The following DSCAML1 variants were observed in gnomAD, a reference collection of about 807,000 sequenced individuals.
DSCAML1 encodes the protein DS cell adhesion molecule like 1.
In DSCAML1, 38 loss-of-function variants were observed where a neutral mutation model predicts 200.5. The observed-to-expected ratio is 0.19, with a 90% CI of 0.15 to 0.25. The LOEUF (loss-of-function observed/expected upper bound fraction) is 0.25, where lower values mean the gene tolerates loss of function less well. Ranked by LOEUF, DSCAML1 falls within the 10% of genes least tolerant of loss-of-function variation. The pLI is 1.00. For missense variants in DSCAML1, 2,223 were observed against 2,858.8 expected, an observed-to-expected ratio of 0.78 and a Z score of 5.07; for synonymous variants, 1,215 against 1,165.0, an observed-to-expected ratio of 1.04 and a Z score of -0.87.
chr11:117,566,292 C>T (rs2050753882), intron 3 of DSCAML1, among the ~76,000 whole-genome samples: 1 of 151,954 alleles, frequency 6.6e-6, no homozygotes, highest in Admixed American at 6.6e-5. Context: ...GATTTCAAAC[C>T]CTACATCCTT....
At chr11:117,793,711 A>C (rs1187754871) in intron 1 of DSCAML1, among the ~76,000 whole-genome samples, 1 of 152,050 alleles carries the variant, frequency 6.6e-6, no homozygotes, top group Non-Finnish European at 1.5e-5. Context: ...TCCTAAGAAA[A>C]CTAAGCCTCT....
chr11:117,433,534 G>A, intron 27 of DSCAML1, 63 bp from the exon 28 acceptor site: 1 of 1,560,922 alleles, frequency 6.4e-7, no homozygotes, highest in South Asian at 1.2e-5. Flanking sequence ...GATGACAATG[G>A]GAGAGGCATG....
At chr11:117,470,371 C>G (rs935257054) in intron 15 of DSCAML1, among the ~76,000 whole-genome samples, 3 of 151,646 alleles carry the variant, frequency 2.0e-5, no homozygotes, top group Non-Finnish European at 2.9e-5. Flanking sequence ...GTCAGGAGAT[C>G]GAGACCATCC....
chr11:117,691,909 G>A (rs2053501628), intron 3 of DSCAML1, among the ~76,000 whole-genome samples: 1 of 152,074 alleles, frequency 6.6e-6, no homozygotes, highest in Non-Finnish European at 1.5e-5. Flanking sequence ...ACTGCAGGAG[G>A]GCACTGTCCT....
At chr11:117,798,348 G>A (rs1158991898), upstream of DSCAML1, among the ~76,000 whole-genome samples, 1 of 152,178 alleles carries the variant, frequency 6.6e-6, no homozygotes, top group Non-Finnish European at 1.5e-5. Context: ...CGAAATGTGC[G>A]GCCTAAGTTC....
chr11:117,581,206 TAA>T (rs898006695), intron 3 of DSCAML1, among the ~76,000 whole-genome samples: 4 of 152,176 alleles, frequency 2.6e-5, no homozygotes, highest in Admixed American at 1.3e-4. Context: ...GATAATAATA[TAA>T]GTTACCATGG....
At chr11:117,802,158 A>G (rs1032281323), upstream of DSCAML1, 1 of 152,232 alleles carries the variant, frequency 6.6e-6, no homozygotes, top group African/African-American at 2.4e-5. Context: ...AAATTTTATG[A>G]AAGTGTCTTC....
At chr11:117,625,520 C>T in intron 3 of DSCAML1, among the ~76,000 whole-genome samples, 1 of 152,202 alleles carries the variant, frequency 6.6e-6, no homozygotes, top group East Asian at 1.9e-4. Flanking sequence ...AAGGAGGAAA[C>T]TGGGTCCCAG....
At chr11:117,632,012 T>C (rs1230808296) in intron 3 of DSCAML1, among the ~76,000 whole-genome samples, 1 of 152,156 alleles carries the variant, frequency 6.6e-6, no homozygotes, top group African/African-American at 2.4e-5. Context: ...GAAGGACACG[T>C]ACAGCTCACC....
chr11:117,576,081 T>C (rs1158955448), intron 3 of DSCAML1, among the ~76,000 whole-genome samples: 1 of 152,130 alleles, frequency 6.6e-6, no homozygotes, highest in Non-Finnish European at 1.5e-5. Context: ...GCTCCTGCCC[T>C]ATATCTGCAG....
chr11:117,622,863 TA>T (rs762632577), intron 3 of DSCAML1, among the ~76,000 whole-genome samples: 101 of 152,290 alleles, frequency 6.6e-4, no homozygotes, highest in Non-Finnish European at 1.1e-3. Flanking sequence ...ATTCAATAAG[TA>T]ATACAGATTA....
chr11:117,596,248 G>A (rs1219680486), intron 3 of DSCAML1, among the ~76,000 whole-genome samples: 3 of 152,184 alleles, frequency 2.0e-5, no homozygotes, highest in South Asian at 2.1e-4. Context: ...GGCACTGGAT[G>A]GTGGAGAATT....
intron 19 of DSCAML1, among the ~76,000 whole-genome samples, chr11:117,453,123 C>G (rs375405311): frequency 1.3e-5 from 2 of 151,984 alleles, no homozygotes; most frequent in Non-Finnish European, 2.9e-5. Context: ...TTAGTAGAGA[C>G]GGGGTTTCAC....
At chr11:117,606,726 G>A (rs751074476) in intron 3 of DSCAML1, among the ~76,000 whole-genome samples, 6 of 152,208 alleles carry the variant, frequency 3.9e-5, no homozygotes, top group Non-Finnish European at 5.9e-5. Flanking sequence ...GGAGATTTCA[G>A]GGATCCCAAT....
chr11:117,570,849 C>T (rs1292325331), intron 3 of DSCAML1, among the ~76,000 whole-genome samples: 3 of 152,212 alleles, frequency 2.0e-5, no homozygotes, highest in Non-Finnish European at 2.9e-5. Context: ...ACACTGGCCA[C>T]GGCAGCTGGA....
At chr11:117,759,008 C>G (rs1171502916) in intron 3 of DSCAML1, among the ~76,000 whole-genome samples, 2 of 152,180 alleles carry the variant, frequency 1.3e-5, no homozygotes, top group African/African-American at 4.8e-5. Flanking sequence ...AACACACACG[C>G]TGATATGCAC....
At chr11:117,646,207 T>A (rs75441066) in intron 3 of DSCAML1, among the ~76,000 whole-genome samples, 2 of 152,202 alleles carry the variant, frequency 1.3e-5, no homozygotes, top group African/African-American at 4.8e-5. Flanking sequence ...TTTTTTTTTT[T>A]ATTGCAAAAA....
chr11:117,766,856 T>A (rs1028235950), intron 3 of DSCAML1, among the ~76,000 whole-genome samples: 5 of 152,088 alleles, frequency 3.3e-5, no homozygotes, highest in Admixed American at 6.6e-5. Flanking sequence ...GGCGTGCAAG[T>A]GCAGAGCAGC....
At chr11:117,703,056 C>T (rs191115391) in intron 3 of DSCAML1, among the ~76,000 whole-genome samples, 11 of 152,112 alleles carry the variant, frequency 7.2e-5, no homozygotes, top group South Asian at 2.1e-4. Context: ...TGGGTCATGC[C>T]GTAAAGATGC....
Sources: gnomAD v4.1 joint callset for allele counts (sites outside exome capture counted in the v4.1 genomes callset) on GRCh38, gnomAD v4.1.1 for gene constraint, MANE v1.5 for transcripts, NCBI Gene and HGNC (gene_info 2026-07-23, HGNC 2026-07-21) for gene names.